CD86: variants seen among roughly 807,000 people sequenced by gnomAD.
CD86 encodes CD86 molecule.
CD86 carries 11 observed loss-of-function variants against 32.1 expected under a neutral mutation model. That is an observed-to-expected ratio of 0.34 (90% CI 0.22 to 0.57). The LOEUF (loss-of-function observed/expected upper bound fraction) is 0.57. Among genes scored for constraint, CD86 ranks in the 20% least tolerant of loss-of-function variants. The probability of loss-of-function intolerance (pLI) is 0.86; values close to 1 mark genes in which losing one functional copy is unlikely to be tolerated. For synonymous variants in CD86, 137 were observed against 135.3 expected (o/e 1.01, Z -0.09); for missense variants, 359 against 398.4 (o/e 0.90, Z 0.84).
chr3:122,063,496 C>T (rs1457552666), intron 1 of CD86, among the ~76,000 whole-genome samples: 1 of 151,736 alleles, frequency 6.6e-6, no homozygotes, highest in Non-Finnish European at 1.5e-5. Flanking sequence ...GAGAAGACAA[C>T]ATAAGGCTAC....
intron 1 of CD86, chr3:122,086,484 C>A (rs894364277): frequency 1.4e-4 from 60 of 430,482 alleles, no homozygotes; most frequent in South Asian, 6.7e-4. Flanking sequence ...TACAAAGATA[C>A]CCCTTCTTAG....
intron 4 of CD86, among the ~76,000 whole-genome samples, chr3:122,106,840 G>GCACACA (rs56759758): frequency 0.058 from 8,334 of 143,482 alleles, 435 homozygotes; most frequent in East Asian, 0.33. Context: ...ACATGCGCTT[G>GCACACA]CACACACACA....
chr3:122,098,969 C>T (rs2072953786), intron 2 of CD86, among the ~76,000 whole-genome samples: 1 of 152,166 alleles, frequency 6.6e-6, no homozygotes, highest in Admixed American at 6.5e-5. Context: ...TAGATAGAGA[C>T]ATCCAGCAGG....
intron 4 of CD86, 117 bp from the exon 5 acceptor site, chr3:122,109,148 T>G: frequency 9.5e-7 from 1 of 1,049,830 alleles, no homozygotes; most frequent in Non-Finnish European, 1.4e-6. Flanking sequence ...GATTTCAGGC[T>G]TCTCTGGCCT....
Position 122,055,407 on chromosome 3 carries a change from C to T in CD86, c.-83C>T. The T allele has an allele frequency of 1.0e-5, 14 of 1,377,106 alleles. No homozygotes were observed. The highest frequency in any genetic ancestry group is 1.5e-5 in the Non-Finnish European group (14 of 965,010). The allele number at this position is 1,377,106 out of a possible 1,614,324, so 85.3% of individuals were successfully genotyped here. A position where few individuals can be genotyped will look rare whatever the true frequency, so the allele number is the denominator to read the frequency against. ...TGCACAGGGTGAAAGCTTTGCTTCT[C>T]TGCTGCTGTAACAGGGACTAGCACA... On this transcript the variant is annotated 5_prime_UTR_variant, in exon 1 of 7. Coordinates refer to ENST00000330540, the MANE Select transcript of CD86 (RefSeq NM_175862.5).
chr3:122,104,951 T>C (rs914879694), intron 3 of CD86, among the ~76,000 whole-genome samples: 4 of 152,206 alleles, frequency 2.6e-5, no homozygotes, highest in Admixed American at 2.6e-4. Context: ...GGTGTGGTAT[T>C]ACTGGATCCA....
intron 1 of CD86, among the ~76,000 whole-genome samples, chr3:122,083,797 G>A (rs570586367): frequency 1.3e-5 from 2 of 152,064 alleles, no homozygotes; most frequent in African/African-American, 4.8e-5. Context: ...TGAAGATTTG[G>A]TGCCACCAAA....
intron 2 of CD86, among the ~76,000 whole-genome samples, chr3:122,098,156 A>G (rs1173497442): frequency 6.6e-6 from 1 of 152,252 alleles, no homozygotes; most frequent in Admixed American, 6.5e-5. Context: ...CAGGAGAGAC[A>G]GACAATAACC....
chr3:122,110,683 T>C (rs763188951), intron 5 of CD86, among the ~76,000 whole-genome samples: 2 of 152,210 alleles, frequency 1.3e-5, no homozygotes, highest in Non-Finnish European at 2.9e-5. Context: ...TGCCAATGTA[T>C]GGAGTGTGCT....
chr3:122,072,913 T>G (rs910482722), intron 1 of CD86, among the ~76,000 whole-genome samples: 4 of 151,928 alleles, frequency 2.6e-5, no homozygotes, highest in Non-Finnish European at 5.9e-5. Flanking sequence ...TTGTATAAGG[T>G]GTAAGGAAGG....
chr3:122,070,687 G>A (rs2072476939), intron 1 of CD86, among the ~76,000 whole-genome samples: 1 of 152,078 alleles, frequency 6.6e-6, no homozygotes, highest in South Asian at 2.1e-4. Context: ...ATTTACCTAA[G>A]GAATTGACAT....
rs1248181234 is a variant in CD86 at position 122,119,864 on chromosome 3, T to G, written c.*330T>G. On this transcript the variant is annotated 3_prime_UTR_variant, in exon 7 of 7. Transcript: ENST00000330540. ...CTTCTCTTAATTTCATAGATTGTGTTTTTTTTTTAAATAGACCTCTCAATT... is the reference window on the plus strand; with the variant it reads ...CTTCTCTTAATTTCATAGATTGTGTGTTTTTTTTAAATAGACCTCTCAATT... 6 of 108,156 alleles carry G rather than the reference T, an allele frequency of 5.5e-5. No homozygotes were observed. Among genetic ancestry groups the G allele is most frequent in the Admixed American group, 2.0e-4 (2 of 10,086 alleles). The allele number at this position is 108,156 out of a possible 1,614,324, so 6.7% of individuals were successfully genotyped here.
chr3:122,060,988 C>T (rs2072324997), intron 1 of CD86, among the ~76,000 whole-genome samples: 1 of 152,140 alleles, frequency 6.6e-6, no homozygotes, highest in Non-Finnish European at 1.5e-5. Flanking sequence ...TCTTAGAAAG[C>T]TTTGAGTCAA....
chr3:122,055,596 T>C, intron 1 of CD86, 93 bp downstream of exon 1: 3 of 1,145,908 alleles, frequency 2.6e-6, no homozygotes, highest in Non-Finnish European at 4.0e-6. Flanking sequence ...TGTGTGTCCT[T>C]CACTTAGTTC....
chr3:122,105,812 CTCTT>C (rs1486790463), intron 3 of CD86, among the ~76,000 whole-genome samples: 3 of 152,120 alleles, frequency 2.0e-5, no homozygotes, highest in Admixed American at 2.0e-4. Flanking sequence ...CCTTCCTGCT[CTCTT>C]AGTCTGGGGA....
intron 1 of CD86, among the ~76,000 whole-genome samples, chr3:122,059,031 G>A (rs1244335980): frequency 3.9e-5 from 6 of 152,110 alleles, no homozygotes; most frequent in Non-Finnish European, 8.8e-5. Flanking sequence ...AAGCAGAGTG[G>A]GTTTGCGCCA....
chr3:122,070,653 T>C (rs2072476537), intron 1 of CD86, among the ~76,000 whole-genome samples: 1 of 152,180 alleles, frequency 6.6e-6, no homozygotes, highest in African/African-American at 2.4e-5. Flanking sequence ...ATCTGGCCCT[T>C]AGAAAACTGG....
At chr3:122,057,580 T>C (rs968178674) in intron 1 of CD86, among the ~76,000 whole-genome samples, 3 of 152,206 alleles carry the variant, frequency 2.0e-5, no homozygotes, top group Non-Finnish European at 2.9e-5. Flanking sequence ...GAATCCCATC[T>C]GTAGGCAGAA....
At chr3:122,079,646 C>G (rs1002263497) in intron 1 of CD86, among the ~76,000 whole-genome samples, 1 of 152,180 alleles carries the variant, frequency 6.6e-6, no homozygotes, top group African/African-American at 2.4e-5. Context: ...TTTACTGGCC[C>G]TTATCTCTCC....
Sources: allele counts gnomAD v4.1 joint callset (sites outside exome capture counted in the v4.1 genomes callset), GRCh38; gene constraint gnomAD v4.1.1; transcripts MANE v1.5; gene names NCBI Gene and HGNC (gene_info 2026-07-23, HGNC 2026-07-21).